UNC79: variants seen among roughly 807,000 people sequenced by gnomAD.
UNC79 encodes protein unc-79 homolog.
In UNC79, 37 loss-of-function variants were observed where a neutral mutation model predicts 283.1. The observed-to-expected ratio is 0.13, with a 90% CI of 0.10 to 0.17. The LOEUF is 0.17. UNC79 is among the 10% of genes least tolerant of loss of function. The pLI, the probability that UNC79 is intolerant of heterozygous loss-of-function variation, is 1.00. For synonymous variants in UNC79, 1,107 were observed against 1,200.2 expected (o/e 0.92, Z 1.61); for missense variants, 2,272 against 3,211.1 (o/e 0.71, Z 7.07).
rs2074584605 is a variant in UNC79 at position 93,690,333 on chromosome 14, A to T, written c.7272+30A>T. The T allele has an allele frequency of 6.3e-7, 1 of 1,591,064 alleles. No individual in the cohort carries two copies. The highest frequency in any genetic ancestry group is 1.3e-5 in the African/African-American group (1 of 74,240). On this transcript the variant is annotated intron_variant, in intron 45 of 48. Transcript: ENST00000555664. This position sits in a 1 kb window ranked among gnomAD's most constrained non-coding sequence, Gnocchi z 4.3. ...GTGATTTCTGCAAGATTAAGACCGT[A>T]TGCATCGCAATTGCTAATGGAAACC...
intron 4 of UNC79, among the ~76,000 whole-genome samples, chr14:93,485,271 G>A (rs970278816): frequency 6.7e-6 from 1 of 149,500 alleles, no homozygotes; most frequent in Admixed American, 6.7e-5. Context: ...TGTATTTCTT[G>A]AATACATCTG....
intron 1 of UNC79, among the ~76,000 whole-genome samples, chr14:93,410,215 A>C (rs892327379): frequency 1.3e-5 from 2 of 152,238 alleles, no homozygotes; most frequent in Admixed American, 6.5e-5. Context: ...CATAGCAAAA[A>C]GCAATACCAG....
At chr14:93,548,827 A>G (rs2061732583) in intron 14 of UNC79, among the ~76,000 whole-genome samples, 1 of 152,232 alleles carries the variant, frequency 6.6e-6, no homozygotes, top group Non-Finnish European at 1.5e-5. Flanking sequence ...GATTATGTCT[A>G]GTAGTTCAAT....
At chr14:93,421,187 C>A (rs2055591633) in intron 1 of UNC79, among the ~76,000 whole-genome samples, 2 of 150,674 alleles carry the variant, frequency 1.3e-5, no homozygotes, top group East Asian at 3.9e-4. Context: ...AAAAGATAAA[C>A]AAAATTGATA....
chr14:93,349,071 A>T (rs958906712), intron 1 of UNC79, among the ~76,000 whole-genome samples: 8 of 152,200 alleles, frequency 5.3e-5, no homozygotes, highest in Non-Finnish European at 1.2e-4. Flanking sequence ...TCCTGAAGCC[A>T]GCGACACCAC....
chr14:93,516,718 G>A (rs748312105), intron 7 of UNC79, among the ~76,000 whole-genome samples: 2 of 152,060 alleles, frequency 1.3e-5, no homozygotes, highest in Non-Finnish European at 2.9e-5. Flanking sequence ...AAAGTGCTGG[G>A]ATTACAGGTG....
upstream of UNC79, among the ~76,000 whole-genome samples, chr14:93,427,657 AT>A (rs368982819): frequency 0.036 from 5,222 of 146,212 alleles, 108 homozygotes; most frequent in South Asian, 0.092. Context: ...TAAGAAGCAG[AT>A]TTTTTTTTTT....
intron 40 of UNC79, among the ~76,000 whole-genome samples, chr14:93,668,978 T>TAAAAAAAAAAA (rs543609091): frequency 8.8e-5 from 7 of 79,922 alleles, no homozygotes; most frequent in Non-Finnish European, 1.0e-4. Flanking sequence ...GAACATTGTC[T>TAAAAAAAAAAA]AAAAAAAAAA....
intron 1 of UNC79, among the ~76,000 whole-genome samples, chr14:93,458,795 A>G (rs2056863613): frequency 6.6e-6 from 1 of 152,206 alleles, no homozygotes. Flanking sequence ...CATTGTGATA[A>G]GTCCTAAGGG....
chr14:93,465,262 ACT>A (rs1163791118), intron 1 of UNC79, among the ~76,000 whole-genome samples: 2 of 152,084 alleles, frequency 1.3e-5, no homozygotes, highest in Non-Finnish European at 2.9e-5. Context: ...AGATATGTAT[ACT>A]CTCTATATAT....
rs765969032 is a variant in UNC79, at chr14:93,542,713, A to G, written c.1755+17A>G. ...TTTGCCAGGGTAAGTGGAGGCCTAC[A>G]GCTCACACCTTGTTAGAGAGGAGGA... On this transcript the variant is annotated intron_variant, in intron 14 of 48. Transcript: ENST00000555664. The G allele has an allele frequency of 1.9e-6, 3 of 1,613,490 alleles. No homozygotes were observed. In the Admixed American group the frequency reaches 5.0e-5, roughly 27 times the overall value.
chr14:93,598,597 C>T (rs1340541759), intron 24 of UNC79, among the ~76,000 whole-genome samples: 2 of 151,816 alleles, frequency 1.3e-5, no homozygotes, highest in East Asian at 3.9e-4. Context: ...TCTCGGCTCA[C>T]TGCAACCTCC....
intron 11 of UNC79, among the ~76,000 whole-genome samples, chr14:93,537,439 G>T (rs528440216): frequency 2.0e-4 from 31 of 152,336 alleles, no homozygotes; most frequent in Non-Finnish European, 4.4e-4. Context: ...CATCACTTTG[G>T]CACAGCACAG....
intron 23 of UNC79, among the ~76,000 whole-genome samples, chr14:93,596,011 T>C (rs12100475): frequency 0.02 from 2,982 of 152,234 alleles, 98 homozygotes; most frequent in African/African-American, 0.068. Context: ...ATGGGAGCAA[T>C]AGAAAGAAGT....
At chr14:93,352,447 G>A (rs991468266) in intron 1 of UNC79, among the ~76,000 whole-genome samples, 3 of 152,134 alleles carry the variant, frequency 2.0e-5, no homozygotes, top group Admixed American at 2.0e-4. Flanking sequence ...GTTTTGAACC[G>A]TTTGACACTC....
chr14:93,418,085 G>A (rs1437860048), intron 1 of UNC79, among the ~76,000 whole-genome samples: 1 of 151,866 alleles, frequency 6.6e-6, no homozygotes, highest in African/African-American at 2.4e-5. Context: ...TTTGGAGGAG[G>A]AGAGGTGCTC....
chr14:93,347,427 G>T (rs1485115506), intron 1 of UNC79: 2 of 1,457,418 alleles, frequency 1.4e-6, no homozygotes, highest in Non-Finnish European at 9.0e-7. Flanking sequence ...TGGTGGGCGG[G>T]AAGCGCGTGG....
chr14:93,536,156 A>G (rs2061062375), intron 11 of UNC79, among the ~76,000 whole-genome samples: 1 of 152,242 alleles, frequency 6.6e-6, no homozygotes, highest in African/African-American at 2.4e-5. Flanking sequence ...GGATTACTGC[A>G]GTAGAGACTC....
At chr14:93,475,185 A>G (rs775785255) in intron 3 of UNC79, among the ~76,000 whole-genome samples, 2 of 152,214 alleles carry the variant, frequency 1.3e-5, no homozygotes, top group African/African-American at 2.4e-5. Context: ...AAACAATGCA[A>G]TAAGAAAAGG....
Sources: gnomAD v4.1 joint callset for allele counts (sites outside exome capture counted in the v4.1 genomes callset) on GRCh38, gnomAD v4.1.1 for gene constraint, Gnocchi (gnomAD v3.1) non-coding constraint, MANE v1.5 for transcripts, NCBI Gene and HGNC (gene_info 2026-07-23, HGNC 2026-07-21) for gene names.